WRNIP1: variants seen among roughly 807,000 people sequenced by gnomAD.
WRNIP1 encodes WRN helicase interacting protein 1.
In WRNIP1, 41 loss-of-function variants were observed where a neutral mutation model predicts 56.1. The observed-to-expected ratio is 0.73, with a 90% confidence interval of 0.57 to 0.95. The LOEUF is 0.95. Among genes scored for constraint, WRNIP1 ranks in the 40% least tolerant of loss-of-function variants. The pLI, the probability that WRNIP1 is intolerant of heterozygous loss-of-function variation, is 0.00. For synonymous variants in WRNIP1, 547 were observed against 398.1 expected (o/e 1.37, Z -4.45); for missense variants, 1,170 against 939.4 (o/e 1.25, Z -3.21).
chr6:2,765,943 CCG>C lies in WRNIP1; in HGVS notation c.324_325del (p.Ser110LeufsTer124). ...GCGACGACGGCGGCGAGACCGAGAGCCGCGAGAGCTACGACGCGCCGCCCACA... is the reference window on the plus strand; with the variant it reads ...GCGACGACGGCGGCGAGACCGAGAGCCGAGAGCTACGACGCGCCGCCCACA... ...EGDDGGETESRESYDAPPTPS... is the reference protein window; with the variant it reads ...EGDDGGETESXESYDAPPTPS... On this transcript the variant is annotated frameshift_variant, in exon 1 of 7. Coordinates refer to ENST00000380773, the MANE Select transcript of WRNIP1 (RefSeq NM_020135.3). LOFTEE classifies it high-confidence loss of function. The C allele has an allele frequency of 6.9e-7, 1 of 1,443,530 alleles. No homozygotes were observed. 89.4% of individuals were successfully genotyped at this position (1,443,530 alleles called of 1,614,324 possible). A position where few individuals can be genotyped will look rare whatever the true frequency, so the allele number is the denominator to read the frequency against.
chr6:2,770,101 G>C lies in WRNIP1; in HGVS notation c.1015-19G>C, dbSNP rs761167475. ...CTGTTGACTGGAATCACTTTTTTCT[G>C]TTTTCCTCCCATGATTAGGACACTT... On this transcript the variant is annotated intron_variant, in intron 2 of 6. Transcript: ENST00000380773. The C allele has an allele frequency of 1.2e-6, 2 of 1,612,188 alleles. No individual in the cohort carries two copies. Among genetic ancestry groups the C allele is most frequent in the African/African-American group, 1.3e-5 (1 of 74,878 alleles).
chr6:2,770,518 G>T (rs1414154270), intron 3 of WRNIP1, among the ~76,000 whole-genome samples, 157 bp downstream of exon 3: 1 of 152,196 alleles, frequency 6.6e-6, no homozygotes, highest in Non-Finnish European at 1.5e-5. Flanking sequence ...GGAAATGTTC[G>T]ATTATACCTA....
At chr6:2,782,635 C>T (rs1257573450) in intron 4 of WRNIP1, among the ~76,000 whole-genome samples, 1 of 152,216 alleles carries the variant, frequency 6.6e-6, no homozygotes, top group African/African-American at 2.4e-5. Flanking sequence ...GGACGATGGC[C>T]AGAGAATAGT....
intron 1 of WRNIP1, 77 bp from the exon 2 acceptor site, chr6:2,768,614 G>C (rs1001050179): frequency 7.8e-7 from 1 of 1,280,324 alleles, no homozygotes; most frequent in African/African-American, 1.5e-5. Flanking sequence ...GTGATGCTGC[G>C]TGTGGTGGTT....
At chr6:2,769,397 C>T (rs1469587266) in intron 2 of WRNIP1, among the ~76,000 whole-genome samples, 1 of 151,662 alleles carries the variant, frequency 6.6e-6, no homozygotes. Context: ...TAAACAAAGC[C>T]ACTTAGGGAT....
At chr6:2,768,576 TC>T (rs2113452916) in intron 1 of WRNIP1, 114 bp from the exon 2 acceptor site, 1 of 774,008 alleles carries the variant, frequency 1.3e-6, no homozygotes, top group East Asian at 2.8e-5. Flanking sequence ...TCAGCATTCT[TC>T]CGAGGTCAAG....
At chr6:2,772,889 A>T in intron 3 of WRNIP1, 1 of 820,342 alleles carries the variant, frequency 1.2e-6, no homozygotes, top group Non-Finnish European at 1.5e-6. Context: ...ACACTAATCT[A>T]GTTGAAAGAA....
Position 2,783,653 on chromosome 6 carries a change from T to TTTTGA in WRNIP1, c.1642+92_1642+93insTTTGA. On this transcript the variant is annotated intron_variant, in intron 5 of 6. Transcript: ENST00000380773. ...TCGTGGCTTTTTTTTTTTTTTTTTT[T>TTTTGA]GCAGGGCGGGGTGGGCGGGGGTAGC... 6 of 120,082 alleles carry TTTTGA rather than the reference T, an allele frequency of 5.0e-5. 1 individual carries two copies. The highest frequency in any genetic ancestry group is 1.8e-4 in the African/African-American group (2 of 11,056). The allele number at this position is 120,082 out of a possible 1,614,324, so 7.4% of individuals were successfully genotyped here.
Position 2,765,540 on chromosome 6 carries a change from G to A in WRNIP1, c.-83G>A. 7.5e-7 allele frequency: 1 copy of A among 1,334,816 alleles called. No individual in the cohort carries two copies. Among genetic ancestry groups the A allele is most frequent in the Non-Finnish European group, 9.5e-7 (1 of 1,050,220 alleles). 82.7% of individuals were successfully genotyped at this position (1,334,816 alleles called of 1,614,324 possible). On this transcript the variant is annotated 5_prime_UTR_variant, in exon 1 of 7. Transcript: ENST00000380773. Reference sequence around the variant, plus strand: ...CCCGAGCGAGGGTCTCGCGGCGCGGGGCCTAGCGGAGGGCATCGAAGGCCT... The same window carrying A: ...CCCGAGCGAGGGTCTCGCGGCGCGGAGCCTAGCGGAGGGCATCGAAGGCCT...
chr6:2,785,604 G>A lies in WRNIP1; in HGVS notation c.*322G>A. The A allele has an allele frequency of 3.6e-6, 1 of 276,706 alleles. No individual in the cohort carries two copies. Among genetic ancestry groups the A allele is most frequent in the Non-Finnish European group, 6.8e-6 (1 of 147,344 alleles). 17.1% of individuals were successfully genotyped at this position (276,706 alleles called of 1,614,324 possible). A position where few individuals can be genotyped will look rare whatever the true frequency, so the allele number is the denominator to read the frequency against. ...GTCATTTCAGAATTCAGTTCTGTAG[G>A]ATTTTCTTTTCTTTAAAAAATGTAT... On this transcript the variant is annotated 3_prime_UTR_variant, in exon 7 of 7. Transcript: ENST00000380773.
At chr6:2,769,379 T>C (rs1422284955) in intron 2 of WRNIP1, among the ~76,000 whole-genome samples, 1 of 152,140 alleles carries the variant, frequency 6.6e-6, no homozygotes, top group African/African-American at 2.4e-5. Context: ...GGACACAAGC[T>C]ATTTTTATAA....
chr6:2,769,045 T>C (rs1683630080), intron 2 of WRNIP1, among the ~76,000 whole-genome samples, 163 bp downstream of exon 2: 1 of 152,218 alleles, frequency 6.6e-6, no homozygotes, highest in Admixed American at 6.5e-5. Context: ...CATTTCTTAG[T>C]GTTTTTTGAT....
chr6:2,779,436 C>T lies in WRNIP1; in HGVS notation c.1430C>T (p.Thr477Ile). 1 of 1,614,176 alleles carries T rather than the reference C, an allele frequency of 6.2e-7. No homozygotes were observed. The highest frequency in any genetic ancestry group is 8.5e-7 in the Non-Finnish European group (1 of 1,180,020). The part of the protein sequence containing the change: ...QSYSPSRVLI[T>I]ENDVKEGLQR... ...TATTCTCCCAGTAGAGTTCTGATCA[C>T]AGAGAATGACGTGAAGGAGGGCCTA... Residue 477 changes from threonine (T) to isoleucine (I), a missense_variant, in exon 4 of 7, where the codon ACA becomes ATA. Transcript: ENST00000380773.
chr6:2,777,506 T>C (rs1435027661), intron 3 of WRNIP1, among the ~76,000 whole-genome samples: 2 of 152,152 alleles, frequency 1.3e-5, no homozygotes, highest in Non-Finnish European at 2.9e-5. Flanking sequence ...TCCATTGTTT[T>C]TACTAGTTCT....
intron 3 of WRNIP1, chr6:2,774,408 C>T: frequency 2.4e-6 from 1 of 425,480 alleles, no homozygotes. Context: ...CATCTGATGG[C>T]CCTTGGCATT....
At position 2,784,413 on chromosome 6, in the gene WRNIP1, T is replaced by G. The variant is rs1225303556; in HGVS notation, c.1722+10T>G. On this transcript the variant is annotated intron_variant, in intron 6 of 6. Coordinates refer to ENST00000380773, the MANE Select transcript of WRNIP1 (RefSeq NM_020135.3). ...CATGCCTGAATGTGAGGTAAAGTAA[T>G]CAGCTCATTTCTTGCAAATCACTTC... is the stretch of plus-strand genomic sequence containing the variant. 6.2e-7 allele frequency: 1 copy of G among 1,613,388 alleles called. No homozygotes were observed. Among genetic ancestry groups the G allele is most frequent in the East Asian group, 2.2e-5 (1 of 44,858 alleles).
chr6:2,778,596 C>T (rs960514156), intron 3 of WRNIP1, among the ~76,000 whole-genome samples: 1 of 152,176 alleles, frequency 6.6e-6, no homozygotes, highest in East Asian at 1.9e-4. Flanking sequence ...AGGCTAATGA[C>T]CTCTCTGCTA....
At position 2,766,300 on chromosome 6, in the gene WRNIP1, G is replaced by C. The variant is rs1353387030; in HGVS notation, c.678G>C (p.Pro226=). ...TCCGACAGATGCTACAGGGCAAGCC[G>C]CTGGCCGACACGATGCGTCCTGACA... ...EEIRQMLQGK[P]LADTMRPDTL... Residue 226 remains proline (P), a synonymous_variant, in exon 1 of 7, where the codon CCG becomes CCC. Transcript: ENST00000380773. The C allele has an allele frequency of 6.2e-7, 1 of 1,607,400 alleles. No homozygotes were observed. The highest frequency in any genetic ancestry group is 8.5e-7 in the Non-Finnish European group (1 of 1,177,714).
intron 2 of WRNIP1, among the ~76,000 whole-genome samples, chr6:2,769,515 T>C (rs1765184240): frequency 6.6e-6 from 1 of 152,298 alleles, no homozygotes; most frequent in Non-Finnish European, 1.5e-5. Context: ...TTTTTTTTTG[T>C]AACTTTTTAA....
Sources: allele counts gnomAD v4.1 joint callset (sites outside exome capture counted in the v4.1 genomes callset), GRCh38; gene constraint gnomAD v4.1.1; transcripts MANE v1.5; gene names NCBI Gene and HGNC (gene_info 2026-07-23, HGNC 2026-07-21).